Variants in SGO2 observed in about 807,000 individuals in gnomAD.
SGO2 encodes shugoshin-like 2.
In SGO2, 68 loss-of-function variants were observed where a neutral mutation model predicts 99.5. The observed-to-expected ratio is 0.68, with a 90% CI of 0.56 to 0.84. SGO2 has a LOEUF of 0.84. SGO2 is among the 40% of genes least tolerant of loss of function. SGO2 has a pLI of 0.00. For missense variants in SGO2, 1,350 were observed against 1,436.7 expected (o/e 0.94, Z 0.97); for synonymous variants, 457 against 487.1 (o/e 0.94, Z 0.81).
chr2:200,527,914 A>T (rs1281566536), intron 1 of SGO2, among the ~76,000 whole-genome samples: 1 of 152,194 alleles, frequency 6.6e-6, no homozygotes, highest in Admixed American at 6.5e-5. Flanking sequence ...AGTAGTTTGG[A>T]CTGGGAAGGC....
intron 8 of SGO2, among the ~76,000 whole-genome samples, chr2:200,575,839 T>C (rs1324084062): frequency 6.6e-6 from 1 of 152,202 alleles, no homozygotes; most frequent in Non-Finnish European, 1.5e-5. Flanking sequence ...TTATGTGTCC[T>C]TTACTCTCAA....
chr2:200,582,533 A>G (rs2033871678), intron 8 of SGO2, among the ~76,000 whole-genome samples: 1 of 152,196 alleles, frequency 6.6e-6, no homozygotes. Context: ...CATAACCAAA[A>G]TACAGCCTTT....
intron 4 of SGO2, among the ~76,000 whole-genome samples, chr2:200,540,837 G>T (rs842934): frequency 0.79 from 120,681 of 152,238 alleles, 48,063 homozygotes; most frequent in Non-Finnish European, 0.83. Flanking sequence ...TAGTCTGTTT[G>T]CTGCTGCTAT....
At chr2:200,564,958 T>C (rs2106336930) in intron 5 of SGO2, among the ~76,000 whole-genome samples, 1 of 152,366 alleles carries the variant, frequency 6.6e-6, no homozygotes, top group Non-Finnish European at 1.5e-5. Flanking sequence ...TGTGTGTCGC[T>C]GCACATGAGA....
intron 5 of SGO2, among the ~76,000 whole-genome samples, chr2:200,546,351 T>TG (rs1479102485): frequency 2.9e-5 from 2 of 69,152 alleles, no homozygotes; most frequent in Non-Finnish European, 5.3e-5. Flanking sequence ...AGACTCCATC[T>TG]GGAAAAAAAA....
In SGO2 at chr2:200,573,152, A is replaced by C; in HGVS notation, c.2806A>C (p.Ser936Arg). Reference sequence around the variant, plus strand: ...TGATAAAGATGCACATGTCCAAGAAAGCTATACAAAAGATCTTGATTTTAA... The same window carrying C: ...TGATAAAGATGCACATGTCCAAGAACGCTATACAAAAGATCTTGATTTTAA... Reference protein sequence around the residue: ...DNDKDAHVQESYTKDLDFKVN... With the variant: ...DNDKDAHVQERYTKDLDFKVN... Residue 936 changes from serine (S) to arginine (R), a missense_variant, in exon 7 of 9, where the codon AGC becomes CGC. Transcript: ENST00000357799. The C allele has an allele frequency of 6.3e-7, 1 of 1,587,848 alleles. No homozygotes were observed. The highest frequency in any genetic ancestry group is 8.5e-7 in the Non-Finnish European group (1 of 1,173,266).
At position 200,573,625 on chromosome 2, in the gene SGO2, T is replaced by C; in HGVS notation, c.3279T>C (p.His1093=). ...KTSIDPSPES[H]EVMERILDSV... ...CCATAGATCCTTCTCCAGAGAGCCA[T>C]GAAGTAATGGAAAGAATACTTGACA... is the stretch of plus-strand genomic sequence containing the variant. The change falls in exon 7 of 9, where the codon CAT becomes CAC. Residue 1093 remains histidine (H), a synonymous_variant. Transcript: ENST00000357799. 1 of 1,612,674 alleles carries C rather than the reference T, an allele frequency of 6.2e-7. No homozygotes were observed. Among genetic ancestry groups the C allele is most frequent in the Non-Finnish European group, 8.5e-7 (1 of 1,179,392 alleles).
At chr2:200,546,260 G>A (rs1321151664) in intron 5 of SGO2, among the ~76,000 whole-genome samples, 1 of 149,910 alleles carries the variant, frequency 6.7e-6, no homozygotes, top group African/African-American at 2.5e-5. Context: ...GGCTGAGGCA[G>A]GAGAATGACG....
chr2:200,583,631 ATG>A lies in SGO2; in HGVS notation c.*170_*171del. Reference sequence around the variant, plus strand: ...ATTCTTAATGTTTATTAATAGGTATATGTGCATAAAATAGCTATTTTGTAACA... The same window carrying A: ...ATTCTTAATGTTTATTAATAGGTATATGCATAAAATAGCTATTTTGTAACA... On this transcript the variant is annotated 3_prime_UTR_variant, in exon 9 of 9. Coordinates refer to ENST00000357799, the MANE Select transcript of SGO2 (RefSeq NM_152524.6). 1 of 443,250 alleles carries A rather than the reference ATG, an allele frequency of 2.3e-6. No homozygotes were observed. Among genetic ancestry groups the A allele is most frequent in the South Asian group, 5.7e-5 (1 of 17,542 alleles). 27.5% of individuals were successfully genotyped at this position (443,250 alleles called of 1,614,324 possible).
chr2:200,575,896 C>G (rs1278701363), intron 8 of SGO2, among the ~76,000 whole-genome samples: 3 of 152,134 alleles, frequency 2.0e-5, no homozygotes, highest in Non-Finnish European at 2.9e-5. Context: ...CAAACATACC[C>G]CAACAAAGAG....
Position 200,571,964 on chromosome 2 carries a change from A to C in SGO2, c.1618A>C (p.Ile540Leu). Reference sequence around the variant, plus strand: ...TAAAGCTTCTAGACAGACATTTGTGATTCACAAATTAGAAAAAGATAACTT... The same window carrying C: ...TAAAGCTTCTAGACAGACATTTGTGCTTCACAAATTAGAAAAAGATAACTT... ...KSKASRQTFV[I>L]HKLEKDNLLP... The change falls in exon 7 of 9, where the codon ATT (isoleucine) becomes CTT (leucine). Residue 540 changes from isoleucine (I) to leucine (L), a missense_variant. Ile to Leu is a conservative substitution (Grantham distance 5). Coordinates refer to ENST00000357799, the MANE Select transcript of SGO2 (RefSeq NM_152524.6). 6.2e-7 allele frequency: 1 copy of C among 1,609,774 alleles called. No homozygotes were observed. Among genetic ancestry groups the C allele is most frequent in the South Asian group, 1.1e-5 (1 of 89,668 alleles).
At chr2:200,564,239 C>T (rs866366185) in intron 5 of SGO2, among the ~76,000 whole-genome samples, 2 of 152,068 alleles carry the variant, frequency 1.3e-5, no homozygotes, top group African/African-American at 4.8e-5. Context: ...TAAATGTGTC[C>T]CAGAGATTCT....
In SGO2 at chr2:200,583,602, G is replaced by C. The variant is rs554142254; in HGVS notation, c.*138G>C. On this transcript the variant is annotated 3_prime_UTR_variant, in exon 9 of 9. Coordinates refer to ENST00000357799, the MANE Select transcript of SGO2 (RefSeq NM_152524.6). ...TTGGCCTTTCATGGAGTGTTGATTT[G>C]TCCATTCTTAATGTTTATTAATAGG... 520 of 639,218 alleles carry C rather than the reference G, an allele frequency of 8.1e-4. 1 individual carries two copies. The African/African-American group carries it at 9.1e-3, about 11-fold the overall frequency. The allele number at this position is 639,218 out of a possible 1,614,324, so 39.6% of individuals were successfully genotyped here. A position where few individuals can be genotyped will look rare whatever the true frequency, so the allele number is the denominator to read the frequency against.
intron 5 of SGO2, among the ~76,000 whole-genome samples, chr2:200,546,484 A>C (rs1302150902): frequency 1.3e-5 from 2 of 152,120 alleles, no homozygotes; most frequent in Non-Finnish European, 2.9e-5. Context: ...CACTCACTAG[A>C]AACTACAGCA....
Position 200,573,450 on chromosome 2 carries a change from G to A in SGO2, c.3104G>A (p.Gly1035Glu). 1 of 1,610,474 alleles carries A rather than the reference G, an allele frequency of 6.2e-7. No individual in the cohort carries two copies. Among genetic ancestry groups the A allele is most frequent in the East Asian group, 2.2e-5 (1 of 44,818 alleles). Residue 1035 changes from glycine to glutamate, a missense_variant, in exon 7 of 9, where the codon GGA becomes GAA. Physicochemically the swap from Gly to Glu is moderately conservative, Grantham distance 98. Transcript: ENST00000357799. Reference sequence around the variant, plus strand: ...ACTAGTGAAGCAGATTCTGATCCAGGAAACCCAGTTGAACTATGTAAGACT... The same window carrying A: ...ACTAGTGAAGCAGATTCTGATCCAGAAAACCCAGTTGAACTATGTAAGACT... ...HITSEADSDP[G>E]NPVELCKTQK... is the part of the protein sequence containing the mutation.
chr2:200,568,843 C>T (rs1227339146), intron 5 of SGO2, among the ~76,000 whole-genome samples: 3 of 152,026 alleles, frequency 2.0e-5, no homozygotes, highest in Non-Finnish European at 4.4e-5. Context: ...AATTTATAGT[C>T]ATTATGTTAG....
chr2:200,536,082 C>T lies in SGO2; in HGVS notation c.327C>T (p.Asp109=). 6.3e-7 allele frequency: 1 copy of T among 1,587,528 alleles called. No individual in the cohort carries two copies. The highest frequency in any genetic ancestry group is 1.1e-5 in the South Asian group (1 of 87,742). ...ATGTGCAGAATAAGAAGCTTATAGACATAGAAGCTCTCATGAACAATAACT... is the reference window on the plus strand; with the variant it reads ...ATGTGCAGAATAAGAAGCTTATAGATATAGAAGCTCTCATGAACAATAACT... ...KLNNLNKKLI[D]IEALMNNNLI... The change falls in exon 4 of 9, where the codon GAC becomes GAT. Residue 109 remains aspartate (D), a synonymous_variant. Coordinates refer to ENST00000357799, the MANE Select transcript of SGO2 (RefSeq NM_152524.6).
At chr2:200,565,361 C>A (rs2715900) in intron 5 of SGO2, among the ~76,000 whole-genome samples, 38,276 of 151,990 alleles carry the variant, frequency 0.25, 4,950 homozygotes, top group South Asian at 0.33. Flanking sequence ...GTTGAAAATT[C>A]TTTTCTTTAA....
In SGO2 at chr2:200,571,825, G is replaced by A; in HGVS notation, c.1479G>A (p.Glu493=). The change falls in exon 7 of 9, where the codon GAG becomes GAA. Residue 493 remains glutamate, a synonymous_variant. Coordinates refer to ENST00000357799, the MANE Select transcript of SGO2 (RefSeq NM_152524.6). ...AAAATGTACTGTGTAATAAAAAGGAGAAAAGAATAACAAATGAGCAAGAGG... is the reference window on the plus strand; with the variant it reads ...AAAATGTACTGTGTAATAAAAAGGAAAAAAGAATAACAAATGAGCAAGAGG... The part of the protein sequence containing the change: ...DRENVLCNKK[E]KRITNEQEET... 1 of 1,613,218 alleles carries A rather than the reference G, an allele frequency of 6.2e-7. No homozygotes were observed. Among genetic ancestry groups the A allele is most frequent in the Non-Finnish European group, 8.5e-7 (1 of 1,179,572 alleles).
Sources: allele counts gnomAD v4.1 joint callset (sites outside exome capture counted in the v4.1 genomes callset), GRCh38; gene constraint gnomAD v4.1.1; transcripts MANE v1.5; gene names NCBI Gene and HGNC (gene_info 2026-07-23, HGNC 2026-07-21).